RIOK3: variants seen among roughly 807,000 people sequenced by gnomAD.
The protein encoded by RIOK3 is serine/threonine-protein kinase RIO3.
Under a neutral mutation model 63.5 loss-of-function variants are expected in RIOK3, and 40 were observed. That is an observed-to-expected ratio of 0.63 (90% CI 0.49 to 0.82). The LOEUF (loss-of-function observed/expected upper bound fraction) is 0.82. Ranked by LOEUF, RIOK3 falls within the 40% of genes least tolerant of loss-of-function variation. The pLI is 0.00. For missense variants in RIOK3, 557 were observed against 637.0 expected (o/e 0.87, Z 1.35); for synonymous variants, 193 against 205.0 (o/e 0.94, Z 0.50).
At chr18:23,453,948 G>T (rs544837551) in intron 1 of RIOK3, among the ~76,000 whole-genome samples, 97 of 152,222 alleles carry the variant, frequency 6.4e-4, no homozygotes, top group Non-Finnish European at 1.1e-3. Context: ...GAAATGTCTT[G>T]TTTTTGAAGC....
chr18:23,467,422 A>G lies in RIOK3; in HGVS notation c.711A>G (p.Thr237=), dbSNP rs886147150. The change falls in exon 7 of 13, where the codon ACA becomes ACG. Residue 237 remains threonine, a synonymous_variant. Transcript: ENST00000339486. ...AGGAAAAAGCAGTTGATCCTAAGAC[A>G]CGTTTACTTATGTATAAAATGGTCA... ...STAEKAVDPK[T]RLLMYKMVNS... 6.2e-7 allele frequency: 1 copy of G among 1,613,242 alleles called. No individual in the cohort carries two copies. The highest frequency in any genetic ancestry group is 1.7e-4 in the Middle Eastern group (1 of 6,060).
chr18:23,475,941 C>CTTTTTTTTTTTTTTTTTTTTTTTTTTTT (rs374984418), intron 9 of RIOK3, among the ~76,000 whole-genome samples: 1 of 80,024 alleles, frequency 1.2e-5, no homozygotes, highest in Non-Finnish European at 2.4e-5. Context: ...TTTTTTGGGG[C>CTTTTTTTTTTTTTTTTTTTTTTTTTTTT]TTTTTTTTTT....
chr18:23,482,924 G>A lies in RIOK3; in HGVS notation c.*1645G>A, dbSNP rs987033626. On this transcript the variant is annotated 3_prime_UTR_variant, in exon 13 of 13. Transcript: ENST00000339486. The stretch of plus-strand genomic sequence containing the variant: ...TAGATGCTCATTACATTTTTGAAAG[G>A]TTTATGATTCCAAAATAAAGATTTA... 1.3e-5 allele frequency: 2 copies of A among 152,154 alleles called. No homozygotes were observed. The highest frequency in any genetic ancestry group is 4.8e-5 in the African/African-American group (2 of 41,434). The allele number at this position is 152,154 out of a possible 1,614,324, so 9.4% of individuals were successfully genotyped here.
At chr18:23,465,191 G>GA (rs1482147664) in intron 5 of RIOK3, among the ~76,000 whole-genome samples, 2 of 152,020 alleles carry the variant, frequency 1.3e-5, no homozygotes, top group African/African-American at 4.8e-5. Context: ...GACCAACATG[G>GA]AAAAACCCCA....
chr18:23,481,192 G>A lies in RIOK3; in HGVS notation c.1473G>A (p.Met491Ile), dbSNP rs1567902189. 1 of 1,611,190 alleles carries A rather than the reference G, an allele frequency of 6.2e-7. No individual in the cohort carries two copies. The highest frequency in any genetic ancestry group is 8.5e-7 in the Non-Finnish European group (1 of 1,177,986). The change falls in exon 13 of 13, where the codon ATG becomes ATA. Residue 491 changes from methionine to isoleucine, a missense_variant. Physicochemically the swap from Met to Ile is conservative, Grantham distance 10 (BLOSUM62 1). Transcript: ENST00000339486. ...TGTAGATAGAAGCTTTGGAGAAAAT[G>A]AATGAAGATCACGTTCAGAAGAATG... The part of the protein sequence containing the change: ...FLAEIEALEK[M>I]NEDHVQKNGR...
At chr18:23,455,092 G>C (rs749570471) in intron 1 of RIOK3, among the ~76,000 whole-genome samples, 7 of 147,184 alleles carry the variant, frequency 4.8e-5, no homozygotes, top group Non-Finnish European at 1.0e-4. Flanking sequence ...ATTTATTTGA[G>C]ACGGAGTCTC....
chr18:23,474,726 C>T (rs1260017655), intron 8 of RIOK3, among the ~76,000 whole-genome samples: 2 of 152,188 alleles, frequency 1.3e-5, no homozygotes, highest in Non-Finnish European at 2.9e-5. Context: ...CCTACCCATA[C>T]CTCTGCCAGT....
intron 1 of RIOK3, among the ~76,000 whole-genome samples, chr18:23,460,678 G>A (rs942310877): frequency 6.6e-6 from 1 of 152,178 alleles, no homozygotes; most frequent in Non-Finnish European, 1.5e-5. Context: ...CCTGCCTTTT[G>A]GAACCTGGAC....
chr18:23,463,154 C>A, intron 2 of RIOK3, 75 bp downstream of exon 2: 1 of 951,916 alleles, frequency 1.1e-6, no homozygotes, highest in Admixed American at 2.2e-5. Flanking sequence ...ATTGTCATGA[C>A]AAGTGGTTTG....
rs903782316 is a variant in RIOK3 at position 23,453,328 on chromosome 18, T to C, written c.-112T>C. On this transcript the variant is annotated 5_prime_UTR_variant, in exon 1 of 13. Transcript: ENST00000339486. Reference sequence around the variant, plus strand: ...GCCGCCGTCGCCGCCATCTGTCACCTCCACTCCGGCATCAGCAGCCAGTCG... The same window carrying C: ...GCCGCCGTCGCCGCCATCTGTCACCCCCACTCCGGCATCAGCAGCCAGTCG... 6 of 881,288 alleles carry C rather than the reference T, an allele frequency of 6.8e-6. No individual in the cohort carries two copies. The African/African-American group carries it at 8.2e-5, about 12-fold the overall frequency. The allele number at this position is 881,288 out of a possible 1,614,324, so 54.6% of individuals were successfully genotyped here.
In RIOK3 at chr18:23,481,602, TC is replaced by T. The variant is rs1598819717; in HGVS notation, c.*325del. The T allele has an allele frequency of 4.9e-6, 1 of 205,476 alleles. No individual in the cohort carries two copies. The highest frequency in any genetic ancestry group is 1.1e-4 in the East Asian group (1 of 9,086). 12.7% of individuals were successfully genotyped at this position (205,476 alleles called of 1,614,324 possible). Reference sequence around the variant, plus strand: ...TAATTTTTAAAACTTGGGTAACACTTCCAAATATGGGAGGAAAGGACAGATG... The same window carrying T: ...TAATTTTTAAAACTTGGGTAACACTTCAAATATGGGAGGAAAGGACAGATG... On this transcript the variant is annotated 3_prime_UTR_variant, in exon 13 of 13. Transcript: ENST00000339486.
chr18:23,456,646 G>C (rs115121857), intron 1 of RIOK3, among the ~76,000 whole-genome samples: 4,026 of 152,156 alleles, frequency 0.026, 60 homozygotes, highest in Middle Eastern at 0.061. Context: ...TCCCACCATG[G>C]CCTCCCAAAG....
intron 7 of RIOK3, among the ~76,000 whole-genome samples, chr18:23,469,052 C>T (rs1377368409): frequency 1.3e-5 from 2 of 152,164 alleles, no homozygotes; most frequent in Non-Finnish European, 2.9e-5. Flanking sequence ...GCCATGGGGC[C>T]GTCTCACAGG....
chr18:23,479,439 G>T lies in RIOK3; in HGVS notation c.1452+15G>T. ...TTTTAGCTGAGGTATGTGATAAACA[G>T]CTGTTTTTCACCTTGCTGGTCATGC... On this transcript the variant is annotated intron_variant, in intron 12 of 12. Transcript: ENST00000339486. The T allele has an allele frequency of 1.3e-6, 2 of 1,535,852 alleles. No homozygotes were observed. The highest frequency in any genetic ancestry group is 1.8e-6 in the Non-Finnish European group (2 of 1,109,080).
chr18:23,472,002 A>G (rs1261266139), intron 7 of RIOK3, among the ~76,000 whole-genome samples: 3 of 151,942 alleles, frequency 2.0e-5, no homozygotes, highest in African/African-American at 7.3e-5. Flanking sequence ...GGAGGCCAAG[A>G]TGGGTGGATC....
chr18:23,473,585 C>A lies in RIOK3; in HGVS notation c.972C>A (p.Ile324=). 6.2e-7 allele frequency: 1 copy of A among 1,613,504 alleles called. No individual in the cohort carries two copies. The highest frequency in any genetic ancestry group is 2.2e-5 in the East Asian group (1 of 44,796). The part of the protein sequence containing the change: ...DRFSKLNPRK[I]IRMWAEKEMH... ...TCAGTAAACTAAATCCACGTAAGAT[C>A]ATCCGCATGTGGGCAGAAAAAGAAA... Residue 324 remains isoleucine (I), a synonymous_variant, in exon 8 of 13, where the codon ATC becomes ATA. Coordinates refer to ENST00000339486, the MANE Select transcript of RIOK3 (RefSeq NM_003831.5).
chr18:23,454,370 G>T (rs1370857693), intron 1 of RIOK3, among the ~76,000 whole-genome samples: 1 of 152,216 alleles, frequency 6.6e-6, no homozygotes, highest in Non-Finnish European at 1.5e-5. Flanking sequence ...AGGAAAAGGG[G>T]TCAATAATTA....
chr18:23,471,347 C>G (rs750173300), intron 7 of RIOK3, among the ~76,000 whole-genome samples: 6 of 152,080 alleles, frequency 3.9e-5, no homozygotes, highest in Non-Finnish European at 7.4e-5. Context: ...AGGACAGGTA[C>G]AAAGTTAGTA....
intron 7 of RIOK3, among the ~76,000 whole-genome samples, chr18:23,470,110 AAAG>A (rs2145690500): frequency 6.6e-6 from 1 of 152,292 alleles, no homozygotes; most frequent in African/African-American, 2.4e-5. Flanking sequence ...TAGGTTAAAA[AAAG>A]AAATCCGTTG....
Sources: allele counts gnomAD v4.1 joint callset (sites outside exome capture counted in the v4.1 genomes callset), GRCh38; gene constraint gnomAD v4.1.1; transcripts MANE v1.5; gene names NCBI Gene and HGNC (gene_info 2026-07-23, HGNC 2026-07-21).